Variants in LINGO2 observed in about 807,000 individuals in gnomAD.
LINGO2 encodes leucine rich repeat and Ig domain containing 2, also known as leucine-rich repeat and immunoglobulin-like domain-containing nogo receptor-interacting protein 2.
LINGO2 carries 14 observed loss-of-function variants against 30.6 expected under a neutral mutation model. The observed-to-expected ratio is 0.46, with a 90% confidence interval of 0.30 to 0.72. The LOEUF (loss-of-function observed/expected upper bound fraction) is 0.72, where lower values mean the gene tolerates loss of function less well. Among genes scored for constraint, LINGO2 ranks in the 30% least tolerant of loss-of-function variants. The pLI is 0.07. For synonymous variants in LINGO2, 317 were observed against 288.5 expected (o/e 1.10, Z -1.00); for missense variants, 729 against 751.7 (o/e 0.97, Z 0.35).
intron 4 of LINGO2, among the ~76,000 whole-genome samples, chr9:28,250,291 T>C (rs75079803): frequency 0.072 from 11,027 of 152,238 alleles, 484 homozygotes; most frequent in South Asian, 0.16. Context: ...TTCTGCCAAG[T>C]ACAGTTACAA....
At chr9:27,975,304 G>A (rs1292109926) in intron 5 of LINGO2, among the ~76,000 whole-genome samples, 1 of 151,756 alleles carries the variant, frequency 6.6e-6, no homozygotes. Flanking sequence ...CTTTTTAAAA[G>A]TCCCTACTAT....
chr9:29,067,012 T>C, the LINGO2 span, among the ~76,000 whole-genome samples: 1 of 151,850 alleles, frequency 6.6e-6, no homozygotes, highest in South Asian at 2.1e-4. Flanking sequence ...AGGGTAACTA[T>C]ATTCTAATCT....
intron 1 of LINGO2, among the ~76,000 whole-genome samples, chr9:28,576,365 T>TA (rs1195869311): frequency 7.2e-5 from 11 of 152,154 alleles, no homozygotes; most frequent in Non-Finnish European, 1.3e-4. Flanking sequence ...CATGGTAAAC[T>TA]AAAAAAATCA....
the LINGO2 span, among the ~76,000 whole-genome samples, chr9:28,831,639 A>G: frequency 3.3e-5 from 5 of 151,356 alleles, no homozygotes; most frequent in African/African-American, 1.2e-4. Flanking sequence ...AGTAAAAAGT[A>G]AAAAAAATAG....
chr9:27,946,505 G>A (rs1486744295), downstream of LINGO2, among the ~76,000 whole-genome samples: 1 of 152,166 alleles, frequency 6.6e-6, no homozygotes, highest in African/African-American at 2.4e-5. Context: ...CAAAAGAGCA[G>A]TGAAAATCAC....
the LINGO2 span, among the ~76,000 whole-genome samples, chr9:28,715,024 T>A: frequency 3.3e-5 from 5 of 152,108 alleles, no homozygotes; most frequent in Admixed American, 3.3e-4. Context: ...TTTTTATAGG[T>A]TACACTTCTT....
the LINGO2 span, among the ~76,000 whole-genome samples, chr9:29,164,516 G>T: frequency 3.9e-5 from 5 of 129,568 alleles, no homozygotes; most frequent in Admixed American, 4.8e-4. Flanking sequence ...TTAATGAAGG[G>T]ATACTACTTG....
Position 28,260,256 on chromosome 9 carries a change from T to A in LINGO2, c.-87+34952A>T, listed in dbSNP as rs921128370. ...GACTTGTAATTTTTTTTTTTTTTTT[T>A]ACTTGGGAAACTTTTAGGTTGAACT... On this transcript the variant is annotated intron_variant, in intron 4 of 5. Coordinates refer to ENST00000379992, the Ensembl canonical transcript of LINGO2. Among the ~76,000 whole-genome samples, 9 of 151,554 alleles carry A rather than the reference T, an allele frequency of 5.9e-5. No homozygotes were observed. The East Asian group carries it at 9.8e-4, about 16-fold the overall frequency.
At chr9:28,549,394 C>A (rs2135494556) in intron 1 of LINGO2, among the ~76,000 whole-genome samples, 1 of 152,056 alleles carries the variant, frequency 6.6e-6, no homozygotes, top group East Asian at 1.9e-4. Flanking sequence ...TTATTTCTTG[C>A]CTGTCTAACT....
intron 5 of LINGO2, among the ~76,000 whole-genome samples, chr9:27,951,668 T>A (rs1403890385): frequency 6.6e-6 from 1 of 152,132 alleles, no homozygotes; most frequent in East Asian, 1.9e-4. Flanking sequence ...AAAAGGTGTA[T>A]TACTGAGCTC....
chr9:29,190,843 T>A, the LINGO2 span, among the ~76,000 whole-genome samples: 1 of 152,200 alleles, frequency 6.6e-6, no homozygotes, highest in African/African-American at 2.4e-5. Context: ...TCTCCAATTT[T>A]AATAATTTCC....
chr9:28,225,581 G>A (rs1821116956), intron 4 of LINGO2, among the ~76,000 whole-genome samples: 1 of 151,872 alleles, frequency 6.6e-6, no homozygotes, highest in African/African-American at 2.4e-5. Flanking sequence ...TAAAAATTAT[G>A]TAGATTGAAA....
chr9:28,998,550 T>G, the LINGO2 span, among the ~76,000 whole-genome samples: 8 of 151,736 alleles, frequency 5.3e-5, no homozygotes, highest in Admixed American at 5.3e-4. Context: ...ACAAGAAAAA[T>G]TCCTTAGAAT....
At chr9:28,879,759 C>T in the LINGO2 span, among the ~76,000 whole-genome samples, 1 of 151,978 alleles carries the variant, frequency 6.6e-6, no homozygotes, top group Non-Finnish European at 1.5e-5. Context: ...GTGAGTAGAT[C>T]TGGGTAAAAT....
At chr9:28,328,956 T>C (rs1342255586) in intron 3 of LINGO2, among the ~76,000 whole-genome samples, 1 of 152,092 alleles carries the variant, frequency 6.6e-6, no homozygotes, top group Non-Finnish European at 1.5e-5. Context: ...AAAAAAATAA[T>C]ATCTAAGAAA....
At chr9:28,597,218 G>A (rs1825227829) in intron 1 of LINGO2, among the ~76,000 whole-genome samples, 1 of 152,084 alleles carries the variant, frequency 6.6e-6, no homozygotes, top group African/African-American at 2.4e-5. Flanking sequence ...ACTAGCTTTG[G>A]TCCACACAGC....
At chr9:28,117,134 G>C (rs1298031145) in intron 4 of LINGO2, among the ~76,000 whole-genome samples, 1 of 148,936 alleles carries the variant, frequency 6.7e-6, no homozygotes, top group Admixed American at 6.8e-5. Flanking sequence ...CTAACAGACA[G>C]GACCCTCAGC....
intron 2 of LINGO2, among the ~76,000 whole-genome samples, chr9:28,406,006 C>T (rs1242132966): frequency 6.6e-6 from 1 of 152,130 alleles, no homozygotes; most frequent in African/African-American, 2.4e-5. Context: ...TAATTTTTCT[C>T]CAGGACTCTA....
Position 28,184,952 on chromosome 9 carries a change from A to G in LINGO2, c.-87+110256T>C, listed in dbSNP as rs1819490447. ...AAAGGGGAAATTAAAACAAAACACAACAAAACAAAACAAAAAAAAATCTTC... is the reference window on the plus strand; with the variant it reads ...AAAGGGGAAATTAAAACAAAACACAGCAAAACAAAACAAAAAAAAATCTTC... On this transcript the variant is annotated intron_variant, in intron 4 of 5. Coordinates refer to ENST00000379992, the Ensembl canonical transcript of LINGO2. 3.9e-5 allele frequency among the ~76,000 whole-genome samples: 6 copies of G among 152,088 alleles called. No individual in the cohort carries two copies. The South Asian group carries it at 1.0e-3, about 26-fold the overall frequency.
Sources: allele counts gnomAD v4.1 joint callset (sites outside exome capture counted in the v4.1 genomes callset), GRCh38; gene constraint gnomAD v4.1.1; transcripts MANE v1.5; gene names NCBI Gene and HGNC (gene_info 2026-07-23, HGNC 2026-07-21).